The following VTI1A variants were observed in gnomAD, a reference collection of about 807,000 sequenced individuals.
The protein encoded by VTI1A is vesicle transport through interaction with t-SNAREs 1A, also known as vesicle transport through interaction with t-SNAREs homolog 1A.
Under a neutral mutation model 34.9 loss-of-function variants are expected in VTI1A, and 22 were observed. The ratio of observed to expected loss-of-function variants is 0.63; its 90% CI spans 0.45 to 0.90. VTI1A has a LOEUF of 0.90. Among genes scored for constraint, VTI1A ranks in the 40% least tolerant of loss-of-function variants. The pLI is 0.00. For missense variants in VTI1A, 268 were observed against 275.6 expected, an observed-to-expected ratio of 0.97 and a Z score of 0.20; for synonymous variants, 87 against 97.3, an observed-to-expected ratio of 0.89 and a Z score of 0.62.
downstream of VTI1A, chr10:112,818,863 A>G (rs1192401703): frequency 5.8e-6 from 1 of 173,368 alleles, no homozygotes; most frequent in African/African-American, 2.4e-5. Flanking sequence ...AGCTCTGGGT[A>G]CTGTTGGAAT....
chr10:112,660,049 C>A (rs908282070), intron 5 of VTI1A, among the ~76,000 whole-genome samples: 1 of 152,128 alleles, frequency 6.6e-6, no homozygotes, highest in African/African-American at 2.4e-5. Context: ...TATTTGGCCC[C>A]GTGCTCTAGT....
intron 7 of VTI1A, among the ~76,000 whole-genome samples, chr10:112,722,496 A>G (rs1849848371): frequency 6.6e-6 from 1 of 152,192 alleles, no homozygotes; most frequent in Non-Finnish European, 1.5e-5. Context: ...GTACCCTAGA[A>G]CTTAAAGTAT....
intron 7 of VTI1A, among the ~76,000 whole-genome samples, chr10:112,692,285 C>T (rs1848640059): frequency 6.6e-6 from 1 of 152,190 alleles, no homozygotes; most frequent in Non-Finnish European, 1.5e-5. Context: ...ACTTAAGATT[C>T]TACAATTCTA....
chr10:112,559,988 G>T (rs1851668958), intron 5 of VTI1A, among the ~76,000 whole-genome samples: 1 of 152,202 alleles, frequency 6.6e-6, no homozygotes, highest in African/African-American at 2.4e-5. Flanking sequence ...CATGCATCCT[G>T]CTTTTAAGGC....
At chr10:112,581,050 TC>T (rs1165683371) in intron 5 of VTI1A, among the ~76,000 whole-genome samples, 2 of 152,150 alleles carry the variant, frequency 1.3e-5, no homozygotes, top group African/African-American at 4.8e-5. Flanking sequence ...CCTGCATAGT[TC>T]CTAGGAAGAT....
chr10:112,663,764 G>T (rs1035891186), intron 5 of VTI1A, among the ~76,000 whole-genome samples: 1 of 152,150 alleles, frequency 6.6e-6, no homozygotes, highest in Non-Finnish European at 1.5e-5. Flanking sequence ...CAATCCCTCT[G>T]CTTCCTGAAG....
chr10:112,490,541 A>G (rs538042506), intron 3 of VTI1A, among the ~76,000 whole-genome samples: 6 of 152,142 alleles, frequency 3.9e-5, no homozygotes, highest in African/African-American at 1.4e-4. Flanking sequence ...GTGTATTGTC[A>G]TTAATGATAT....
intron 7 of VTI1A, among the ~76,000 whole-genome samples, chr10:112,748,422 A>G (rs1221730397): frequency 6.6e-6 from 1 of 152,136 alleles, no homozygotes; most frequent in Non-Finnish European, 1.5e-5. Context: ...CTATAAAAAC[A>G]CATGTTGTCA....
At chr10:112,612,129 CG>C (rs1372773779) in intron 5 of VTI1A, among the ~76,000 whole-genome samples, 1 of 151,918 alleles carries the variant, frequency 6.6e-6, no homozygotes, top group East Asian at 1.9e-4. Context: ...GCCATTTTAT[CG>C]TAAGTTTGAA....
At chr10:112,547,090 G>T (rs1459613591) in intron 5 of VTI1A, among the ~76,000 whole-genome samples, 1 of 152,028 alleles carries the variant, frequency 6.6e-6, no homozygotes, top group Non-Finnish European at 1.5e-5. Context: ...TACCAGCCTG[G>T]GCAACATGGT....
intron 5 of VTI1A, among the ~76,000 whole-genome samples, chr10:112,642,957 T>C (rs1383860506): frequency 2.0e-5 from 3 of 150,006 alleles, no homozygotes; most frequent in Non-Finnish European, 4.4e-5. Flanking sequence ...TATCTGAGCA[T>C]GTTTTCTTTT....
rs1849644684 is a variant in VTI1A, at chr10:112,717,337, C to G, written c.560+48339C>G. ...CTCCTGGTTATCTGTTGCTGAGTAGCAAACCACCCTAGAAATGCAGTGACT... is the reference window on the plus strand; with the variant it reads ...CTCCTGGTTATCTGTTGCTGAGTAGGAAACCACCCTAGAAATGCAGTGACT... On this transcript the variant is annotated intron_variant, in intron 7 of 7. Transcript: ENST00000393077. 2.6e-5 allele frequency among the ~76,000 whole-genome samples: 4 copies of G among 152,284 alleles called. 1 individual carries two copies. In the South Asian group the frequency reaches 8.3e-4, roughly 32 times the overall value.
At chr10:112,778,118 A>G (rs1165273959) in intron 7 of VTI1A, among the ~76,000 whole-genome samples, 1 of 152,242 alleles carries the variant, frequency 6.6e-6, no homozygotes, top group Non-Finnish European at 1.5e-5. Context: ...AAGGAAAAAA[A>G]AAAGTGTATT....
At chr10:112,685,738 T>A (rs1459840182) in intron 7 of VTI1A, among the ~76,000 whole-genome samples, 1 of 152,222 alleles carries the variant, frequency 6.6e-6, no homozygotes, top group Non-Finnish European at 1.5e-5. Context: ...ATTTAGTTAC[T>A]TTTCAAAACG....
At chr10:112,743,479 T>G (rs2133980067) in intron 7 of VTI1A, among the ~76,000 whole-genome samples, 1 of 152,292 alleles carries the variant, frequency 6.6e-6, no homozygotes, top group Non-Finnish European at 1.5e-5. Flanking sequence ...CCTCCTGCAG[T>G]GTGGTTTCTC....
intron 7 of VTI1A, among the ~76,000 whole-genome samples, chr10:112,784,785 C>A (rs2134044550): frequency 6.6e-6 from 1 of 152,320 alleles, no homozygotes; most frequent in South Asian, 2.1e-4. Flanking sequence ...ATTTCTCCAA[C>A]TGTTATGCTA....
At chr10:112,560,619 A>G (rs113437630) in intron 5 of VTI1A, among the ~76,000 whole-genome samples, 10 of 128,232 alleles carry the variant, frequency 7.8e-5, no homozygotes, top group African/African-American at 2.7e-4. Context: ...TTTTTTTGCG[A>G]TGGAGTCTCA....
intron 7 of VTI1A, among the ~76,000 whole-genome samples, chr10:112,812,118 A>G (rs1271514688): frequency 2.0e-5 from 3 of 152,258 alleles, no homozygotes; most frequent in African/African-American, 4.8e-5. Flanking sequence ...TTAAAGCCAC[A>G]GTGTGCTCAC....
At chr10:112,539,121 T>G (rs926677850) in intron 5 of VTI1A, among the ~76,000 whole-genome samples, 6 of 152,212 alleles carry the variant, frequency 3.9e-5, no homozygotes, top group African/African-American at 1.4e-4. Flanking sequence ...CTACGCTTTT[T>G]ATTTTGTTTT....
Sources: allele counts gnomAD v4.1 joint callset (sites outside exome capture counted in the v4.1 genomes callset), GRCh38; gene constraint gnomAD v4.1.1; transcripts MANE v1.5; gene names NCBI Gene and HGNC (gene_info 2026-07-23, HGNC 2026-07-21).